The following GASK1A variants were observed in gnomAD, a reference collection of about 807,000 sequenced individuals.
GASK1A encodes golgi associated kinase 1A.
A neutral mutation model predicts 41.2 loss-of-function variants in GASK1A; 40 were observed. The ratio of observed to expected loss-of-function variants is 0.97; its 90% CI spans 0.75 to 1.27. GASK1A has a LOEUF of 1.27. GASK1A is among the 50% of genes most tolerant of loss of function. The probability of loss-of-function intolerance (pLI) is 0.00; values close to 1 mark genes in which losing one functional copy is unlikely to be tolerated. For missense variants in GASK1A, 678 were observed against 745.1 expected, an observed-to-expected ratio of 0.91 and a Z score of 1.05; for synonymous variants, 316 against 307.1, an observed-to-expected ratio of 1.03 and a Z score of -0.30.
chr3:43,056,285 G>T lies in GASK1A; in HGVS notation c.1627G>T (p.Gly543Trp). 1.3e-6 allele frequency: 2 copies of T among 1,551,700 alleles called. No homozygotes were observed. The highest frequency in any genetic ancestry group is 1.7e-6 in the Non-Finnish European group (2 of 1,146,998). ...VFWESQGGAQ[G>W]LKQVLQTLEQ... is the part of the protein sequence containing the mutation. The stretch of plus-strand genomic sequence containing the variant: ...CTGGGAAAGCCAAGGCGGAGCCCAG[G>T]GGCTGAAGCAGGTCCTCCAGACCCT... Residue 543 changes from glycine to tryptophan, a missense_variant, in exon 5 of 5, where the codon GGG becomes TGG. Physicochemically the swap from Gly to Trp is radical, Grantham distance 184 (BLOSUM62 -2). Transcript: ENST00000430121.
intron 2 of GASK1A, among the ~76,000 whole-genome samples, chr3:43,044,082 G>GCA (rs1245846813): frequency 6.6e-6 from 1 of 152,238 alleles, no homozygotes; most frequent in African/African-American, 2.4e-5. Flanking sequence ...AGATGCTGCT[G>GCA]CAAGTTTAAA....
chr3:42,988,486 G>C (rs568730402), intron 1 of GASK1A, among the ~76,000 whole-genome samples: 2 of 152,312 alleles, frequency 1.3e-5, no homozygotes, highest in East Asian at 3.9e-4. Context: ...GAGGGGATAA[G>C]ATTAGAAGAG....
chr3:43,003,816 T>C (rs542414889), intron 1 of GASK1A, among the ~76,000 whole-genome samples: 2 of 152,302 alleles, frequency 1.3e-5, no homozygotes, highest in South Asian at 2.1e-4. Context: ...TGGAAAAAAA[T>C]GGTTTGTAAA....
At chr3:43,018,009 G>A (rs2125682152) in intron 1 of GASK1A, among the ~76,000 whole-genome samples, 1 of 152,284 alleles carries the variant, frequency 6.6e-6, no homozygotes, top group Middle Eastern at 3.4e-3. Flanking sequence ...GCCGTATGAA[G>A]TCACAGGAAG....
intron 1 of GASK1A, among the ~76,000 whole-genome samples, chr3:43,002,720 G>T: frequency 6.6e-6 from 1 of 152,092 alleles, no homozygotes; most frequent in South Asian, 2.1e-4. Flanking sequence ...TATATATCAG[G>T]TTAAATAAAA....
chr3:43,000,387 C>T lies in GASK1A; in HGVS notation c.3+20742C>T, dbSNP rs567852453. 4.9e-4 allele frequency among the ~76,000 whole-genome samples: 75 copies of T among 152,358 alleles called. 1 individual carries two copies. The highest frequency in any genetic ancestry group is 3.4e-3 in the Middle Eastern group (1 of 294). ...CTTGGAGTTTGTGGACAGACAGCCA[C>T]AGAGTCTCAAAAGCAGAAGGAGATC... On this transcript the variant is annotated intron_variant, in intron 1 of 4. Coordinates refer to ENST00000430121, the MANE Select transcript of GASK1A (RefSeq NM_001129908.3).
At chr3:43,044,820 T>C (rs1403319856) in intron 2 of GASK1A, among the ~76,000 whole-genome samples, 1 of 152,216 alleles carries the variant, frequency 6.6e-6, no homozygotes, top group African/African-American at 2.4e-5. Context: ...AAGGTTTTAT[T>C]GGTGTTGGGA....
chr3:42,993,720 C>T (rs1341174309), intron 1 of GASK1A, among the ~76,000 whole-genome samples: 1 of 152,152 alleles, frequency 6.6e-6, no homozygotes, highest in Non-Finnish European at 1.5e-5. Flanking sequence ...GCCTCTACTC[C>T]ACGGCCATTA....
At chr3:43,028,557 T>G (rs1009570420) in intron 1 of GASK1A, among the ~76,000 whole-genome samples, 1 of 152,178 alleles carries the variant, frequency 6.6e-6, no homozygotes, top group Non-Finnish European at 1.5e-5. Flanking sequence ...GAAGTGTATG[T>G]GTGTGTGGGT....
chr3:43,050,734 A>C (rs1347622665), intron 2 of GASK1A, among the ~76,000 whole-genome samples: 1 of 152,046 alleles, frequency 6.6e-6, no homozygotes, highest in Non-Finnish European at 1.5e-5. Flanking sequence ...CATACTTGAT[A>C]ATCTCAGTGG....
chr3:43,001,972 T>C lies in GASK1A; in HGVS notation c.3+22327T>C, dbSNP rs532894223. Among the ~76,000 whole-genome samples, 12 of 152,318 alleles carry C rather than the reference T, an allele frequency of 7.9e-5. No individual in the cohort carries two copies. In the South Asian group the frequency reaches 2.5e-3, roughly 32 times the overall value. The stretch of plus-strand genomic sequence containing the variant: ...GCTGGGCACCCTGCCCTTTCTACTG[T>C]CACGTATGCTCTCCCTTCCCTTTGG... On this transcript the variant is annotated intron_variant, in intron 1 of 4. Coordinates refer to ENST00000430121, the MANE Select transcript of GASK1A (RefSeq NM_001129908.3).
intron 2 of GASK1A, among the ~76,000 whole-genome samples, chr3:43,037,663 A>T (rs2089611200): frequency 6.6e-6 from 1 of 152,210 alleles, no homozygotes; most frequent in South Asian, 2.1e-4. Flanking sequence ...TAAAACAAAA[A>T]AGAGAAAGAA....
chr3:42,987,227 G>A (rs141541940), intron 1 of GASK1A, among the ~76,000 whole-genome samples: 2,378 of 152,332 alleles, frequency 0.016, 41 homozygotes, highest in South Asian at 0.075. Context: ...CTCATTGGCC[G>A]GGGTCGGGTC....
Position 43,033,281 on chromosome 3 carries a change from C to A in GASK1A, c.1018C>A (p.Leu340Met), listed in dbSNP as rs982522971. ...LSFHVDRVLG[L>M]RRSLPAVARR... ...CTTCCACGTAGATCGTGTGCTGGGG[C>A]TGCGCCGGAGCCTACCTGCTGTGGC... Residue 340 changes from leucine to methionine, a missense_variant, in exon 2 of 5, where the codon CTG (leucine) becomes ATG (methionine). By Grantham distance (15) the Leu-to-Met change is conservative (BLOSUM62 2). Transcript: ENST00000430121. The A allele has an allele frequency of 2.6e-6, 4 of 1,551,546 alleles. No individual in the cohort carries two copies. Among genetic ancestry groups the A allele is most frequent in the Non-Finnish European group, 3.5e-6 (4 of 1,146,964 alleles).
At chr3:43,021,931 G>C (rs1253979379) in intron 1 of GASK1A, among the ~76,000 whole-genome samples, 3 of 152,240 alleles carry the variant, frequency 2.0e-5, no homozygotes, top group African/African-American at 7.2e-5. Flanking sequence ...GTAGGGGCTT[G>C]ACAAGGAAGG....
intron 2 of GASK1A, among the ~76,000 whole-genome samples, chr3:43,041,224 C>A (rs1038727271): frequency 6.6e-6 from 1 of 151,604 alleles, no homozygotes; most frequent in African/African-American, 2.4e-5. Context: ...ATTTATAGTC[C>A]TTTGGATATA....
rs1415700812 is a variant in GASK1A, at chr3:43,033,020, A to T, written c.757A>T (p.Thr253Ser). The change falls in exon 2 of 5, where the codon ACT becomes TCT. Residue 253 changes from threonine to serine, a missense_variant. Thr to Ser is a moderately conservative substitution (Grantham distance 58). Coordinates refer to ENST00000430121, the MANE Select transcript of GASK1A (RefSeq NM_001129908.3). ...TGAGACGCTGTTGAGCAGCTCGAGG[A>T]CTGGTGGGCAGGCTCCCCCATGGCT... ...DAETLLSSSR[T>S]GGQAPPWLTD... 1 of 1,551,738 alleles carries T rather than the reference A, an allele frequency of 6.4e-7. No individual in the cohort carries two copies. Among genetic ancestry groups the T allele is most frequent in the South Asian group, 1.2e-5 (1 of 84,066 alleles).
In GASK1A at chr3:42,979,504, G is replaced by T; in HGVS notation, c.-139G>T. 2.0e-6 allele frequency: 2 copies of T among 989,966 alleles called. No individual in the cohort carries two copies. Among genetic ancestry groups the T allele is most frequent in the Non-Finnish European group, 2.6e-6 (2 of 766,522 alleles). The allele number at this position is 989,966 out of a possible 1,614,324, so 61.3% of individuals were successfully genotyped here. ...AGAGAACGTGTGCACCTTCAGTCCG[G>T]GAAACCCGCCCCAGCCGAGTAGCCG... is the stretch of plus-strand genomic sequence containing the variant. On this transcript the variant is annotated 5_prime_UTR_variant, in exon 1 of 5. Coordinates refer to ENST00000430121, the MANE Select transcript of GASK1A (RefSeq NM_001129908.3).
intron 1 of GASK1A, among the ~76,000 whole-genome samples, chr3:42,991,491 G>C (rs1451597119): frequency 6.6e-6 from 1 of 152,130 alleles, no homozygotes; most frequent in African/African-American, 2.4e-5. Flanking sequence ...TGGTAATCTT[G>C]CATACACACT....
Sources: allele counts gnomAD v4.1 joint callset (sites outside exome capture counted in the v4.1 genomes callset), GRCh38; gene constraint gnomAD v4.1.1; transcripts MANE v1.5; gene names NCBI Gene and HGNC (gene_info 2026-07-23, HGNC 2026-07-21).